EHBP1: variants seen among roughly 807,000 people sequenced by gnomAD.
EHBP1 encodes EH domain binding protein 1.
Under a neutral mutation model 144.0 loss-of-function variants are expected in EHBP1, and 55 were observed. The ratio of observed to expected loss-of-function variants is 0.38; its 90% CI spans 0.31 to 0.48. EHBP1 has a LOEUF of 0.48. Ranked by LOEUF, EHBP1 falls within the 20% of genes least tolerant of loss-of-function variation. The pLI, the probability that EHBP1 is intolerant of heterozygous loss-of-function variation, is 0.98. For synonymous variants in EHBP1, 469 were observed against 472.7 expected (o/e 0.99, Z 0.10); for missense variants, 1,200 against 1,364.2 (o/e 0.88, Z 1.90).
At chr2:62,804,729 G>T (rs367900668) in intron 5 of EHBP1, among the ~76,000 whole-genome samples, 1 of 152,192 alleles carries the variant, frequency 6.6e-6, no homozygotes, top group East Asian at 1.9e-4. Context: ...ACTGGTCCGT[G>T]GCCTGTTAGG....
chr2:63,041,762 A>G (rs1190592783), intron 21 of EHBP1, among the ~76,000 whole-genome samples: 5 of 152,190 alleles, frequency 3.3e-5, no homozygotes, highest in Non-Finnish European at 5.9e-5. Flanking sequence ...GGAACTAAAG[A>G]TAAGACTTGA....
chr2:62,746,092 C>T (rs2039121866), intron 2 of EHBP1, among the ~76,000 whole-genome samples: 1 of 152,006 alleles, frequency 6.6e-6, no homozygotes, highest in South Asian at 2.1e-4. Flanking sequence ...GGCAAGCCAT[C>T]AATGTTTTCA....
chr2:62,793,403 A>G (rs747920561), intron 5 of EHBP1, among the ~76,000 whole-genome samples: 13 of 152,122 alleles, frequency 8.5e-5, no homozygotes, highest in Admixed American at 2.0e-4. Context: ...GTGAAAATCT[A>G]TAGGGCTTTG....
At chr2:62,693,273 T>C (rs1289250949) in intron 1 of EHBP1, among the ~76,000 whole-genome samples, 1 of 152,150 alleles carries the variant, frequency 6.6e-6, no homozygotes. Flanking sequence ...TGACGGACAC[T>C]TAGGTTGCTT....
At chr2:62,921,124 A>G (rs1455954267) in intron 10 of EHBP1, among the ~76,000 whole-genome samples, 1 of 152,186 alleles carries the variant, frequency 6.6e-6, no homozygotes, top group Non-Finnish European at 1.5e-5. Context: ...ATGAATTCAA[A>G]TTACAGTGTT....
In EHBP1 at chr2:62,859,048, T is replaced by C. The variant is rs1405308935; in HGVS notation, c.635-121T>C. On this transcript the variant is annotated intron_variant, in intron 7 of 22. Transcript: ENST00000431489. ...GAATGGCATTCTGTCATTGGTAAAA[T>C]GCTATATACTATTATTTGCAGGTAT... is the stretch of plus-strand genomic sequence containing the variant. The C allele has an allele frequency of 6.7e-6, 6 of 891,934 alleles. No homozygotes were observed. The East Asian group carries it at 1.3e-4, about 19-fold the overall frequency. 55.3% of individuals were successfully genotyped at this position (891,934 alleles called of 1,614,324 possible).
At chr2:62,948,143 T>C (rs1012268502) in intron 12 of EHBP1, 117 bp from the exon 13 acceptor site, 2 of 832,746 alleles carry the variant, frequency 2.4e-6, no homozygotes, top group Non-Finnish European at 3.3e-6. Flanking sequence ...GTTCTTTTCA[T>C]GTGACATAAT....
At chr2:62,919,531 G>A (rs2054900999) in intron 10 of EHBP1, among the ~76,000 whole-genome samples, 1 of 152,086 alleles carries the variant, frequency 6.6e-6, no homozygotes. Context: ...TGGGGAAAGG[G>A]AAGAATCTGA....
upstream of EHBP1, among the ~76,000 whole-genome samples, chr2:62,701,267 C>A (rs893839129): frequency 2.0e-5 from 3 of 152,042 alleles, no homozygotes; most frequent in Non-Finnish European, 2.9e-5. Context: ...ATTTTACTGT[C>A]TTTAATAAAC....
At chr2:62,758,203 G>C (rs576669321) in intron 3 of EHBP1, among the ~76,000 whole-genome samples, 1 of 152,188 alleles carries the variant, frequency 6.6e-6, no homozygotes, top group South Asian at 2.1e-4. Context: ...CCACCTTTCA[G>C]GTTCAAGCAA....
chr2:62,727,166 G>C (rs944848980), intron 2 of EHBP1, among the ~76,000 whole-genome samples: 1 of 152,086 alleles, frequency 6.6e-6, no homozygotes, highest in Admixed American at 6.6e-5. Flanking sequence ...CGGCCTACAA[G>C]AACTATTTTT....
chr2:62,775,048 A>C (rs1463482394), intron 5 of EHBP1, among the ~76,000 whole-genome samples: 4 of 152,178 alleles, frequency 2.6e-5, no homozygotes, highest in African/African-American at 9.7e-5. Flanking sequence ...AGGAAGAGGG[A>C]TAAGGATCCC....
At chr2:63,005,216 G>T (rs1196443642) in intron 19 of EHBP1, among the ~76,000 whole-genome samples, 4 of 152,056 alleles carry the variant, frequency 2.6e-5, no homozygotes, top group Non-Finnish European at 5.9e-5. Context: ...CAGGGAATTT[G>T]CTACTTTGAA....
At chr2:62,841,647 ATACTGACATTTGCATTTTATTTTATAAT>A (rs1558773396) in intron 7 of EHBP1, among the ~76,000 whole-genome samples, 1 of 152,146 alleles carries the variant, frequency 6.6e-6, no homozygotes, top group African/African-American at 2.4e-5. Flanking sequence ...TCAATAGTAT[ATACTGACATTTGCATTTTATTTTATAAT>A]GATGGCAGCA....
At chr2:62,902,060 A>G (rs1395716454) in intron 10 of EHBP1, among the ~76,000 whole-genome samples, 4 of 152,160 alleles carry the variant, frequency 2.6e-5, no homozygotes, top group African/African-American at 4.8e-5. Flanking sequence ...ATAACACACA[A>G]CTTCCAGGTT....
At chr2:62,852,191 A>G (rs1000297389) in intron 7 of EHBP1, among the ~76,000 whole-genome samples, 8 of 152,144 alleles carry the variant, frequency 5.3e-5, no homozygotes, top group Non-Finnish European at 8.8e-5. Context: ...GGAACATAAG[A>G]TAATTAAAAC....
chr2:62,859,332 AAGTTGACTTGAACTGTAAGGGC>A, intron 8 of EHBP1, 41 bp downstream of exon 8: 1 of 1,557,796 alleles, frequency 6.4e-7, no homozygotes, highest in Non-Finnish European at 8.7e-7. Flanking sequence ...TTGTATAGTC[AAGTTGACTTGAACTGTAAGGGC>A]AGGAAAATAT....
chr2:62,715,237 C>G (rs1413593153), intron 2 of EHBP1, among the ~76,000 whole-genome samples: 1 of 152,118 alleles, frequency 6.6e-6, no homozygotes, highest in African/African-American at 2.4e-5. Context: ...GCCTCGGCCT[C>G]CCGAGTAGCT....
intron 14 of EHBP1, among the ~76,000 whole-genome samples, chr2:62,976,281 A>C (rs2058709223): frequency 6.6e-6 from 1 of 151,774 alleles, no homozygotes; most frequent in Non-Finnish European, 1.5e-5. Flanking sequence ...ACATTAACCT[A>C]CCCCCATTAA....
Sources: allele counts gnomAD v4.1 joint callset (sites outside exome capture counted in the v4.1 genomes callset), GRCh38; gene constraint gnomAD v4.1.1; transcripts MANE v1.5; gene names NCBI Gene and HGNC (gene_info 2026-07-23, HGNC 2026-07-21).